ADAMTS18: variants seen among roughly 807,000 people sequenced by gnomAD.
ADAMTS18 encodes A disintegrin and metalloproteinase with thrombospondin motifs 18.
A neutral mutation model predicts 165.9 loss-of-function variants in ADAMTS18; 157 were observed. The observed-to-expected ratio is 0.95, with a 90% CI of 0.83 to 1.08. ADAMTS18 has a LOEUF of 1.08. Ranked by LOEUF, ADAMTS18 falls within the 50% of genes least tolerant of loss-of-function variation. The probability of loss-of-function intolerance (pLI) is 0.00; values close to 1 mark genes in which losing one functional copy is unlikely to be tolerated. For missense variants in ADAMTS18, 2,040 were observed against 1,534.0 expected (o/e 1.33, Z -5.51); for synonymous variants, 782 against 578.2 (o/e 1.35, Z -5.06).
At chr16:77,370,937 G>A (rs2056867519) in intron 3 of ADAMTS18, among the ~76,000 whole-genome samples, 1 of 152,146 alleles carries the variant, frequency 6.6e-6, no homozygotes, top group Non-Finnish European at 1.5e-5. Context: ...TTCATGGATT[G>A]AAAGAATATT....
At chr16:77,400,386 G>C (rs1293550691) in intron 3 of ADAMTS18, among the ~76,000 whole-genome samples, 2 of 151,652 alleles carry the variant, frequency 1.3e-5, no homozygotes, top group East Asian at 1.9e-4. Flanking sequence ...CTGATTAATG[G>C]AGGGTAGAAC....
intron 3 of ADAMTS18, among the ~76,000 whole-genome samples, chr16:77,387,222 C>A (rs1232934894): frequency 1.3e-5 from 2 of 152,158 alleles, no homozygotes; most frequent in Non-Finnish European, 2.9e-5. Flanking sequence ...AACCATCATG[C>A]AAATTCTCTT....
intron 10 of ADAMTS18, 133 bp downstream of exon 10, chr16:77,353,600 C>G: frequency 8.0e-7 from 1 of 1,245,560 alleles, no homozygotes; most frequent in Non-Finnish European, 1.2e-6. Context: ...ATTATCATGC[C>G]AAACAACTGA....
At chr16:77,297,197 G>C (rs538735514) in intron 18 of ADAMTS18, 92 bp downstream of exon 18, 21 of 1,520,126 alleles carry the variant, frequency 1.4e-5, no homozygotes, top group Non-Finnish European at 1.9e-5. Context: ...CTTTCCATTA[G>C]CAGTATTCAC....
At chr16:77,379,203 T>C (rs2056996642) in intron 3 of ADAMTS18, among the ~76,000 whole-genome samples, 1 of 152,204 alleles carries the variant, frequency 6.6e-6, no homozygotes, top group Non-Finnish European at 1.5e-5. Flanking sequence ...CTTGGGCCTA[T>C]TAACTTCACC....
At chr16:77,352,167 A>C (rs1244899058) in intron 10 of ADAMTS18, among the ~76,000 whole-genome samples, 1 of 152,208 alleles carries the variant, frequency 6.6e-6, no homozygotes, top group Non-Finnish European at 1.5e-5. Flanking sequence ...CTGTAATAGA[A>C]AAAAAATGTA....
rs34899340 is a variant in ADAMTS18 at position 77,320,032 on chromosome 16, C to T, written c.2349G>A (p.Gln783=). The change falls in exon 16 of 23, where the codon CAG becomes CAA. Residue 783 remains glutamine (Q), a synonymous_variant. Transcript: ENST00000282849. The part of the protein sequence containing the change: ...GARSIEIQEL[Q]VSSSYLAVRS... ...GAACTGCGAGGTAACTGGAGGAAAC[C>T]TGCAGCTCCTGGATTTCGATGCTTC... is the stretch of plus-strand genomic sequence containing the variant. 1.3e-3 allele frequency: 2,123 copies of T among 1,614,124 alleles called. 27 individuals carry two copies. In the African/African-American group the frequency reaches 0.025, roughly 19 times the overall value.
chr16:77,396,652 T>C (rs1018577744), intron 3 of ADAMTS18, among the ~76,000 whole-genome samples: 14 of 151,966 alleles, frequency 9.2e-5, no homozygotes, highest in African/African-American at 3.4e-4. Flanking sequence ...ACAGGGGAAA[T>C]CCAAATTCCA....
intron 3 of ADAMTS18, among the ~76,000 whole-genome samples, chr16:77,387,018 C>G (rs1486923761): frequency 1.3e-5 from 2 of 152,140 alleles, no homozygotes; most frequent in Non-Finnish European, 2.9e-5. Context: ...CAAACAGATG[C>G]TGGGGATGAC....
rs535129951 is a variant in ADAMTS18, at chr16:77,340,174, T to G, written c.1710+1530A>C. Among the ~76,000 whole-genome samples, 3 of 152,288 alleles carry G rather than the reference T, an allele frequency of 2.0e-5. No individual in the cohort carries two copies. The South Asian group carries it at 6.2e-4, about 32-fold the overall frequency. On this transcript the variant is annotated intron_variant, in intron 11 of 22. Coordinates refer to ENST00000282849, the MANE Select transcript of ADAMTS18 (RefSeq NM_199355.4). ...GTTTCCCCTGCTAGACTGTAAATTTTTATATTTTTAATTTATTTTTGAGAG... is the reference window on the plus strand; with the variant it reads ...GTTTCCCCTGCTAGACTGTAAATTTGTATATTTTTAATTTATTTTTGAGAG...
At chr16:77,367,863 T>A (rs1236276600) in intron 3 of ADAMTS18, 140 bp from the exon 4 acceptor site, 1 of 944,728 alleles carries the variant, frequency 1.1e-6, no homozygotes, top group Non-Finnish European at 1.7e-6. Context: ...CTCATTTTTA[T>A]CTGCACCATT....
At chr16:77,361,712 C>T (rs1269432054) in intron 7 of ADAMTS18, among the ~76,000 whole-genome samples, 3 of 152,010 alleles carry the variant, frequency 2.0e-5, no homozygotes, top group African/African-American at 4.8e-5. Context: ...GGTGGAAACC[C>T]GTCTCTACTA....
At chr16:77,327,856 G>C (rs1456465862) in intron 12 of ADAMTS18, among the ~76,000 whole-genome samples, 1 of 152,090 alleles carries the variant, frequency 6.6e-6, no homozygotes, top group African/African-American at 2.4e-5. Context: ...CTATTACATA[G>C]AACGTCAGCA....
intron 3 of ADAMTS18, among the ~76,000 whole-genome samples, chr16:77,416,801 G>A (rs2144839789): frequency 6.6e-6 from 1 of 152,224 alleles, no homozygotes; most frequent in Non-Finnish European, 1.5e-5. Flanking sequence ...TAGACTAAAG[G>A]GACAGAAGAG....
Position 77,325,591 on chromosome 16 carries a change from A to T in ADAMTS18, c.2032+275T>A, listed in dbSNP as rs957808263. ...TGGGAGACTTAATTGCCAAAATGTC[A>T]AAGGTAAGTTGAGAAACATGAGTTC... On this transcript the variant is annotated intron_variant, in intron 13 of 22. Transcript: ENST00000282849. Among the ~76,000 whole-genome samples, 3 of 152,132 alleles carry T rather than the reference A, an allele frequency of 2.0e-5. No homozygotes were observed. In the East Asian group the frequency reaches 5.8e-4, roughly 29 times the overall value.
chr16:77,392,483 G>C (rs898580888), intron 3 of ADAMTS18, among the ~76,000 whole-genome samples: 6 of 152,078 alleles, frequency 3.9e-5, no homozygotes, highest in African/African-American at 9.7e-5. Context: ...GTCCACCTCA[G>C]AGAAAACTTC....
At chr16:77,346,861 C>G (rs942855118) in intron 10 of ADAMTS18, among the ~76,000 whole-genome samples, 1 of 151,670 alleles carries the variant, frequency 6.6e-6, no homozygotes, top group Non-Finnish European at 1.5e-5. Flanking sequence ...TTTAAGTGTA[C>G]TGTTCCATGC....
chr16:77,290,244 G>T (rs546463464), intron 21 of ADAMTS18, among the ~76,000 whole-genome samples: 210 of 152,196 alleles, frequency 1.4e-3, no homozygotes, highest in African/African-American at 4.1e-3. Context: ...ATAGGCATAC[G>T]GCCTCTGTTG....
chr16:77,386,957 C>G (rs1279643677), intron 3 of ADAMTS18, among the ~76,000 whole-genome samples: 1 of 152,288 alleles, frequency 6.6e-6, no homozygotes, highest in East Asian at 1.9e-4. Flanking sequence ...TGGGTAAACA[C>G]TTCTGTTGGG....
Sources: allele counts gnomAD v4.1 joint callset (sites outside exome capture counted in the v4.1 genomes callset), GRCh38; gene constraint gnomAD v4.1.1; transcripts MANE v1.5; gene names NCBI Gene and HGNC (gene_info 2026-07-23, HGNC 2026-07-21).